Variants in ATP4A observed in about 807,000 individuals in gnomAD.
The protein encoded by ATP4A is ATPase H+/K+ transporting subunit alpha, also known as potassium-transporting ATPase alpha chain 1.
A neutral mutation model predicts 112.1 loss-of-function variants in ATP4A; 73 were observed. The observed-to-expected ratio is 0.65, with a 90% CI of 0.54 to 0.79. The LOEUF (loss-of-function observed/expected upper bound fraction) is 0.79. Among genes scored for constraint, ATP4A ranks in the 30% least tolerant of loss-of-function variants. ATP4A has a pLI of 0.00. For missense variants in ATP4A, 1,081 were observed against 1,425.9 expected, an observed-to-expected ratio of 0.76 and a Z score of 3.90; for synonymous variants, 588 against 588.9, an observed-to-expected ratio of 1.00 and a Z score of 0.02.
rs2071652605 is a variant in ATP4A at position 35,559,208 on chromosome 19, C to T, written c.1057-17G>A. 2 of 1,612,960 alleles carry T rather than the reference C, an allele frequency of 1.2e-6. No individual in the cohort carries two copies. The highest frequency in any genetic ancestry group is 1.3e-5 in the African/African-American group (1 of 74,944). ...CAGGCAGACCTGGGGAAGGGGTGAGCACCGCAGGCTGGGGACCCACCCTGG... is the reference window on the plus strand; with the variant it reads ...CAGGCAGACCTGGGGAAGGGGTGAGTACCGCAGGCTGGGGACCCACCCTGG... On this transcript the variant is annotated splice_polypyrimidine_tract_variant and intron_variant, in intron 7 of 21. Transcript: ENST00000262623. The surrounding 1 kb of genome is among the most constrained non-coding windows in gnomAD (Gnocchi z 4.1).
chr19:35,562,324 C>T (rs756644148), intron 4 of ATP4A, 111 bp downstream of exon 4: 148 of 1,292,318 alleles, frequency 1.1e-4, no homozygotes, highest in Admixed American at 1.9e-4. Flanking sequence ...GACTGCCTTT[C>T]GTGTTCGTCT....
At position 35,550,435 on chromosome 19, in the gene ATP4A, A is replaced by C; in HGVS notation, c.*180T>G. The C allele has an allele frequency of 1.9e-5, 14 of 745,784 alleles. No individual in the cohort carries two copies. Among genetic ancestry groups the C allele is most frequent in the East Asian group, 2.8e-5 (1 of 35,530 alleles). The allele number at this position is 745,784 out of a possible 1,614,324, so 46.2% of individuals were successfully genotyped here. A position where few individuals can be genotyped will look rare whatever the true frequency, so the allele number is the denominator to read the frequency against. On this transcript the variant is annotated 3_prime_UTR_variant, in exon 22 of 22. Coordinates refer to ENST00000262623, the MANE Select transcript of ATP4A (RefSeq NM_000704.3). This position sits in a 1 kb window ranked among gnomAD's most constrained non-coding sequence, Gnocchi z 4.1. ...GCTCCAGGAGGTGCGAACCTTGGGA[A>C]TGGGGGAGGGGAGTGGGCAGGTCCC...
Position 35,559,204 on chromosome 19 carries a change from T to C in ATP4A, c.1057-13A>G. ...GGGACAGGCAGACCTGGGGAAGGGG[T>C]GAGCACCGCAGGCTGGGGACCCACC... On this transcript the variant is annotated splice_polypyrimidine_tract_variant and intron_variant, in intron 7 of 21. Coordinates refer to ENST00000262623, the MANE Select transcript of ATP4A (RefSeq NM_000704.3). The surrounding 1 kb of genome is among the most constrained non-coding windows in gnomAD (Gnocchi z 4.1). The C allele has an allele frequency of 1.2e-6, 2 of 1,613,250 alleles. No individual in the cohort carries two copies. The highest frequency in any genetic ancestry group is 1.7e-6 in the Non-Finnish European group (2 of 1,179,868).
rs577760187 is a variant in ATP4A, at chr19:35,553,293, CACAG to C, written c.2606-115_2606-112del. ...CACAGATACACAAAGGTCAAGGACA[CACAG>C]ACAGGGACACGGGAAGAGAGACAGG... On this transcript the variant is annotated intron_variant, in intron 17 of 21. Transcript: ENST00000262623. The C allele has an allele frequency of 2.0e-4, 260 of 1,282,418 alleles. 2 individuals carry two copies. The highest frequency in any genetic ancestry group is 6.3e-4 in the African/African-American group (42 of 67,180). 79.4% of individuals were successfully genotyped at this position (1,282,418 alleles called of 1,614,324 possible).
Position 35,555,786 on chromosome 19 carries a change from G to T in ATP4A, c.1896C>A (p.Pro632=). The part of the protein sequence containing the change: ...IRVIMVTGDH[P]ITAKAIAASV... ...TGGCTGCAATGGCCTTGGCGGTGAT[G>T]GGGTGGTCACCCGTTACCATGATCA... The change falls in exon 13 of 22, where the codon CCC becomes CCA. Residue 632 remains proline, a synonymous_variant. Coordinates refer to ENST00000262623, the MANE Select transcript of ATP4A (RefSeq NM_000704.3). This position sits in a 1 kb window ranked among gnomAD's most constrained non-coding sequence, Gnocchi z 6.6. The T allele has an allele frequency of 6.2e-7, 1 of 1,613,282 alleles. No homozygotes were observed. Among genetic ancestry groups the T allele is most frequent in the East Asian group, 2.2e-5 (1 of 44,858 alleles).
intron 3 of ATP4A, among the ~76,000 whole-genome samples, chr19:35,562,930 T>C (rs2071680320): frequency 6.6e-6 from 1 of 151,826 alleles, no homozygotes; most frequent in Non-Finnish European, 1.5e-5. Flanking sequence ...TCTCTCCGTC[T>C]CTGTGTGTCA....
rs2071592574 is a variant in ATP4A at position 35,550,100 on chromosome 19, A to T, written c.*515T>A. 1 of 174,444 alleles carries T rather than the reference A, an allele frequency of 5.7e-6. No homozygotes were observed. Among genetic ancestry groups the T allele is most frequent in the East Asian group, 1.5e-4 (1 of 6,464 alleles). 10.8% of individuals were successfully genotyped at this position (174,444 alleles called of 1,614,324 possible). Reference sequence around the variant, plus strand: ...TGCCAGGCTGTGTACTAGGCACTGGAGGTGCAGCCCTGGATAAACAGCCCC... The same window carrying T: ...TGCCAGGCTGTGTACTAGGCACTGGTGGTGCAGCCCTGGATAAACAGCCCC... On this transcript the variant is annotated 3_prime_UTR_variant, in exon 22 of 22. Coordinates refer to ENST00000262623, the MANE Select transcript of ATP4A (RefSeq NM_000704.3). This position sits in a 1 kb window ranked among gnomAD's most constrained non-coding sequence, Gnocchi z 4.1.
Position 35,559,865 on chromosome 19 carries a change from C to G in ATP4A, c.996G>C (p.Met332Ile). The G allele has an allele frequency of 6.2e-7, 1 of 1,614,218 alleles. No homozygotes were observed. The highest frequency in any genetic ancestry group is 1.1e-5 in the South Asian group (1 of 91,080). ...MCIGYTFLRA[M>I]VFFMAIVVAY... is the part of the protein sequence containing the mutation. ...CCACCACGATGGCCATGAAGAAGAC[C>G]ATGGCCCGCAGGAAGGTGTAGCCAA... Residue 332 changes from methionine to isoleucine, a missense_variant, in exon 7 of 22, where the codon ATG (methionine) becomes ATC (isoleucine). Met to Ile is a conservative substitution (Grantham distance 10, BLOSUM62 1). Coordinates refer to ENST00000262623, the MANE Select transcript of ATP4A (RefSeq NM_000704.3). The surrounding 1 kb of genome is among the most constrained non-coding windows in gnomAD (Gnocchi z 4.1).
At position 35,558,983 on chromosome 19, in the gene ATP4A, T is replaced by TC; in HGVS notation, c.1255+9dup. 6.2e-7 allele frequency: 1 copy of TC among 1,613,528 alleles called. No homozygotes were observed. The stretch of plus-strand genomic sequence containing the variant: ...CCTGCCCTGGCGCCTGTGCCCTCCC[T>TC]CCCCCACACCTGACTGGTCTTCCGT... On this transcript the variant is annotated intron_variant, in intron 8 of 21. Coordinates refer to ENST00000262623, the MANE Select transcript of ATP4A (RefSeq NM_000704.3). This position sits in a 1 kb window ranked among gnomAD's most constrained non-coding sequence, Gnocchi z 5.1.
chr19:35,560,363 C>A lies in ATP4A; in HGVS notation c.787G>T (p.Gly263Cys). ...IAFFSTMCLE[G>C]TVQGLVVNTG... The stretch of plus-strand genomic sequence containing the variant: ...GCAGGCAGGCGGGGGCTTCACAGAC[C>A]CTCAAGGCACATGGTGGAGAAGAAG... The change falls in exon 6 of 22, where the codon GGC (glycine) becomes TGC (cysteine). Residue 263 changes from glycine (G) to cysteine (C), a missense_variant and splice_region_variant. By Grantham distance (159) the Gly-to-Cys change is radical. This residue lies in a region of ATP4A where 850 missense variants were observed against 1,068.2 expected (regional missense o/e 0.80). Transcript: ENST00000262623. The surrounding 1 kb of genome is among the most constrained non-coding windows in gnomAD (Gnocchi z 5.1). The A allele has an allele frequency of 6.2e-7, 1 of 1,613,552 alleles. No homozygotes were observed. Among genetic ancestry groups the A allele is most frequent in the Non-Finnish European group, 8.5e-7 (1 of 1,179,862 alleles).
At chr19:35,563,093 T>A in intron 3 of ATP4A, 116 bp downstream of exon 3, 3 of 866,470 alleles carry the variant, frequency 3.5e-6, no homozygotes, top group Non-Finnish European at 5.0e-6. Flanking sequence ...TATTTCTCCA[T>A]ATCTTCCTCT....
chr19:35,558,353 GC>G lies in ATP4A; in HGVS notation c.1500+8del. On this transcript the variant is annotated splice_region_variant and intron_variant, in intron 10 of 21. Coordinates refer to ENST00000262623, the MANE Select transcript of ATP4A (RefSeq NM_000704.3). The surrounding 1 kb of genome is among the most constrained non-coding windows in gnomAD (Gnocchi z 5.1). ...CGGGCCCAGGCCGTGGGCGGGGCCG[GC>G]TGCGCACCTGGAACTTGTTGGTGGA... 1 of 1,606,560 alleles carries G rather than the reference GC, an allele frequency of 6.2e-7. No homozygotes were observed. Among genetic ancestry groups the G allele is most frequent in the Non-Finnish European group, 8.5e-7 (1 of 1,176,762 alleles).
In ATP4A at chr19:35,557,700, G is replaced by T; in HGVS notation, c.1648C>A (p.Gln550Lys). The T allele has an allele frequency of 6.2e-7, 1 of 1,609,136 alleles. No homozygotes were observed. Reference protein sequence around the residue: ...PLDEQWREAFQTAYLSLGGLG... With the variant: ...PLDEQWREAFKTAYLSLGGLG... ...CCTCCCAGGCTGAGGTAGGCGGTCT[G>T]GAAGGCCTCGCGCCACTGCTCGTCC... The change falls in exon 11 of 22, where the codon CAG (glutamine) becomes AAG (lysine). Residue 550 changes from glutamine (Q) to lysine (K), a missense_variant. This residue lies in a region of ATP4A where 850 missense variants were observed against 1,068.2 expected (regional missense o/e 0.80). Transcript: ENST00000262623. This position sits in a 1 kb window ranked among gnomAD's most constrained non-coding sequence, Gnocchi z 4.4.
At position 35,559,252 on chromosome 19, in the gene ATP4A, G is replaced by A; in HGVS notation, c.1057-61C>T. On this transcript the variant is annotated intron_variant, in intron 7 of 21. Coordinates refer to ENST00000262623, the MANE Select transcript of ATP4A (RefSeq NM_000704.3). This position sits in a 1 kb window ranked among gnomAD's most constrained non-coding sequence, Gnocchi z 4.1. ...ACCCTGGCTTCCAGTCCTCTTCCCC[G>A]CGTCAAAGAACGGGGAAGGCTTTAC... The A allele has an allele frequency of 1.3e-6, 2 of 1,563,944 alleles. No individual in the cohort carries two copies. Among genetic ancestry groups the A allele is most frequent in the Non-Finnish European group, 1.8e-6 (2 of 1,141,280 alleles).
rs2071654706 is a variant in ATP4A, at chr19:35,559,563, G to C, written c.1056+242C>G. On this transcript the variant is annotated intron_variant, in intron 7 of 21. Transcript: ENST00000262623. This position sits in a 1 kb window ranked among gnomAD's most constrained non-coding sequence, Gnocchi z 4.1. The stretch of plus-strand genomic sequence containing the variant: ...TGCTGGCTGCCTGCACAGGACATCA[G>C]CCTCTTCCAGTTAAGGACCCGGCCT... 6.6e-6 allele frequency among the ~76,000 whole-genome samples: 1 copy of C among 152,244 alleles called. No individual in the cohort carries two copies.
rs1010953505 is a variant in ATP4A, at chr19:35,559,562, A to G, written c.1056+243T>C. Among the ~76,000 whole-genome samples the G allele has an allele frequency of 1.3e-5, 2 of 152,228 alleles. No homozygotes were observed. The highest frequency in any genetic ancestry group is 1.3e-4 in the Admixed American group (2 of 15,284). On this transcript the variant is annotated intron_variant, in intron 7 of 21. Coordinates refer to ENST00000262623, the MANE Select transcript of ATP4A (RefSeq NM_000704.3). This position sits in a 1 kb window ranked among gnomAD's most constrained non-coding sequence, Gnocchi z 4.1. ...ATGCTGGCTGCCTGCACAGGACATC[A>G]GCCTCTTCCAGTTAAGGACCCGGCC...
Position 35,555,149 on chromosome 19 carries a change from C to A in ATP4A, c.2326+17G>T. On this transcript the variant is annotated intron_variant, in intron 15 of 21. Coordinates refer to ENST00000262623, the MANE Select transcript of ATP4A (RefSeq NM_000704.3). This position sits in a 1 kb window ranked among gnomAD's most constrained non-coding sequence, Gnocchi z 6.6. ...CTGTGCCCACACTGCCTGCCCTCCCCCTGGCGTGGCTCGGACCCTGCTCCA... is the reference window on the plus strand; with the variant it reads ...CTGTGCCCACACTGCCTGCCCTCCCACTGGCGTGGCTCGGACCCTGCTCCA... 6.2e-6 allele frequency: 10 copies of A among 1,614,122 alleles called. No individual in the cohort carries two copies. The highest frequency in any genetic ancestry group is 8.5e-6 in the Non-Finnish European group (10 of 1,180,016).
At chr19:35,556,280 G>A (rs185247260) in intron 12 of ATP4A, among the ~76,000 whole-genome samples, 3 of 152,328 alleles carry the variant, frequency 2.0e-5, no homozygotes, top group Non-Finnish European at 4.4e-5. Flanking sequence ...TAACTGCAGA[G>A]GAGTGAACAA....
rs1371438455 is a variant in ATP4A, at chr19:35,562,684, AC to A, written c.217-47del. The A allele has an allele frequency of 5.9e-6, 9 of 1,524,270 alleles. No homozygotes were observed. The South Asian group carries it at 9.7e-5, about 16-fold the overall frequency. 94.4% of individuals were successfully genotyped at this position (1,524,270 alleles called of 1,614,324 possible). ...GAGGCGGTCCTGGGGGCTTTCCTCC[AC>A]ATGCACACCCCGTGGAAAGCCCCCT... On this transcript the variant is annotated intron_variant, in intron 3 of 21. Transcript: ENST00000262623.
Sources: allele counts gnomAD v4.1 joint callset (sites outside exome capture counted in the v4.1 genomes callset), GRCh38; gene constraint gnomAD v4.1.1; regional missense constraint gnomAD v4.1.1; non-coding constraint Gnocchi (gnomAD v3.1); transcripts MANE v1.5; gene names NCBI Gene and HGNC (gene_info 2026-07-23, HGNC 2026-07-21).